Variants in SIK2 observed in about 807,000 individuals in gnomAD.
The protein encoded by SIK2 is salt inducible kinase 2, also known as serine/threonine-protein kinase SIK2.
Under a neutral mutation model 103.2 loss-of-function variants are expected in SIK2, and 29 were observed. The ratio of observed to expected loss-of-function variants is 0.28; its 90% CI spans 0.21 to 0.38. SIK2 has a LOEUF of 0.38. SIK2 is among the 10% of genes least tolerant of loss of function. The pLI, the probability that SIK2 is intolerant of heterozygous loss-of-function variation, is 1.00. For missense variants in SIK2, 879 were observed against 1,171.0 expected (o/e 0.75, Z 3.64); for synonymous variants, 412 against 446.1 (o/e 0.92, Z 0.96).
At position 111,727,807 on chromosome 11, in the gene SIK2, G is replaced by C. The variant is rs1281891479; in HGVS notation, c.*3678G>C. 2 of 152,344 alleles carry C rather than the reference G, an allele frequency of 1.3e-5. No individual in the cohort carries two copies. Among genetic ancestry groups the C allele is most frequent in the Non-Finnish European group, 2.9e-5 (2 of 68,098 alleles). The allele number at this position is 152,344 out of a possible 1,614,324, so 9.4% of individuals were successfully genotyped here. ...CCTGGAGTCACAGTTGGTCCCAGGC[G>C]TGTGGGCACTAAGCAGCCTCTGGAG... On this transcript the variant is annotated 3_prime_UTR_variant, in exon 15 of 15. Transcript: ENST00000304987.
chr11:111,655,338 A>T (rs1173607710), intron 3 of SIK2, among the ~76,000 whole-genome samples: 1 of 152,204 alleles, frequency 6.6e-6, no homozygotes, highest in Admixed American at 6.5e-5. Context: ...CAGGAGGCGG[A>T]GGTTGCAGTG....
chr11:111,722,558 T>C lies in SIK2; in HGVS notation c.2056-107T>C, dbSNP rs1943834028. ...TGTCAGTCCCTTCACCCCGTGTGGATTCTGTAGAATGCAGTTAGATTCATC... is the reference window on the plus strand; with the variant it reads ...TGTCAGTCCCTTCACCCCGTGTGGACTCTGTAGAATGCAGTTAGATTCATC... On this transcript the variant is annotated intron_variant, in intron 13 of 14. Transcript: ENST00000304987. This position sits in a 1 kb window ranked among gnomAD's most constrained non-coding sequence, Gnocchi z 4.4. 1 of 1,054,072 alleles carries C rather than the reference T, an allele frequency of 9.5e-7. No homozygotes were observed. Among genetic ancestry groups the C allele is most frequent in the Non-Finnish European group, 1.4e-6 (1 of 710,730 alleles). The allele number at this position is 1,054,072 out of a possible 1,614,324, so 65.3% of individuals were successfully genotyped here.
rs769532950 is a variant in SIK2 at position 111,723,970 on chromosome 11, G to T, written c.2622G>T (p.Gln874His). Reference protein sequence around the residue: ...PCQYPVDGAQQSDLTGPDCPR... With the variant: ...PCQYPVDGAQHSDLTGPDCPR... ...AGTATCCTGTGGATGGAGCCCAGCA[G>T]AGCGACCTAACGGGGCCAGACTGTC... The change falls in exon 15 of 15, where the codon CAG becomes CAT. Residue 874 changes from glutamine (Q) to histidine (H), a missense_variant. Physicochemically the swap from Gln to His is conservative, Grantham distance 24 (BLOSUM62 0). Around this residue, in one of 7 missense-constraint regions of SIK2, gnomAD observed 375 missense variants for 416.3 expected, o/e 0.90. Coordinates refer to ENST00000304987, the MANE Select transcript of SIK2 (RefSeq NM_015191.3). 2.5e-6 allele frequency: 4 copies of T among 1,614,034 alleles called. No individual in the cohort carries two copies. The highest frequency in any genetic ancestry group is 3.4e-6 in the Non-Finnish European group (4 of 1,180,020).
At chr11:111,719,629 A>G (rs183834893) in intron 9 of SIK2, 146 bp from the exon 10 acceptor site, 84 of 800,438 alleles carry the variant, frequency 1.0e-4, no homozygotes, top group Admixed American at 1.7e-4. Context: ...CTTCTAATCT[A>G]TGTGTTGTCA....
At chr11:111,711,914 A>T (rs1009921655) in intron 8 of SIK2, among the ~76,000 whole-genome samples, 1 of 152,268 alleles carries the variant, frequency 6.6e-6, no homozygotes. Flanking sequence ...TGAACGAGGA[A>T]CATTCTTGAT....
intron 7 of SIK2, among the ~76,000 whole-genome samples, chr11:111,704,293 C>G (rs928388272): frequency 6.6e-6 from 1 of 152,206 alleles, no homozygotes; most frequent in East Asian, 1.9e-4. Flanking sequence ...GTGCCCTGCA[C>G]AGCACCCATG....
At chr11:111,687,112 C>T (rs1366611284) in intron 3 of SIK2, among the ~76,000 whole-genome samples, 1 of 151,892 alleles carries the variant, frequency 6.6e-6, no homozygotes, top group Non-Finnish European at 1.5e-5. Context: ...AGAGAGAGTA[C>T]CTAGACATTA....
At position 111,602,948 on chromosome 11, in the gene SIK2, C is replaced by T. The variant is rs2135825023; in HGVS notation, c.135+250C>T. Among the ~76,000 whole-genome samples, 1 of 152,246 alleles carries T rather than the reference C, an allele frequency of 6.6e-6. No individual in the cohort carries two copies. The highest frequency in any genetic ancestry group is 1.9e-4 in the East Asian group (1 of 5,162). ...ACGCAACCAGCCGGGGCTTTGCTTT[C>T]CCCTACGCCACCCCCGGTGGCCACC... is the stretch of plus-strand genomic sequence containing the variant. On this transcript the variant is annotated intron_variant, in intron 1 of 14. Coordinates refer to ENST00000304987, the MANE Select transcript of SIK2 (RefSeq NM_015191.3). The surrounding 1 kb of genome is among the most constrained non-coding windows in gnomAD (Gnocchi z 4.5).
intron 3 of SIK2, among the ~76,000 whole-genome samples, chr11:111,679,378 A>G (rs560249781): frequency 1.2e-4 from 18 of 152,266 alleles, no homozygotes; most frequent in Non-Finnish European, 2.1e-4. Context: ...AGAATCTAAC[A>G]GATGCGAACA....
Position 111,727,769 on chromosome 11 carries a change from T to G in SIK2, c.*3640T>G, listed in dbSNP as rs1944022969. On this transcript the variant is annotated 3_prime_UTR_variant, in exon 15 of 15. Coordinates refer to ENST00000304987, the MANE Select transcript of SIK2 (RefSeq NM_015191.3). ...TGATCAGCCAGAAACTAAGGCAAGG[T>G]GACAAGCAGCAGCCTGGAGTCACAG... is the stretch of plus-strand genomic sequence containing the variant. 1 of 152,178 alleles carries G rather than the reference T, an allele frequency of 6.6e-6. No homozygotes were observed. Among genetic ancestry groups the G allele is most frequent in the Admixed American group, 6.5e-5 (1 of 15,274 alleles). 9.4% of individuals were successfully genotyped at this position (152,178 alleles called of 1,614,324 possible).
chr11:111,613,032 TA>T (rs1941750934), intron 1 of SIK2, among the ~76,000 whole-genome samples: 1 of 151,148 alleles, frequency 6.6e-6, no homozygotes, highest in Admixed American at 6.6e-5. Flanking sequence ...GTTATTTTGT[TA>T]AGAAATGTTA....
intron 3 of SIK2, among the ~76,000 whole-genome samples, chr11:111,645,137 G>A (rs187046722): frequency 1.4e-4 from 21 of 152,230 alleles, no homozygotes; most frequent in Admixed American, 1.3e-3. Flanking sequence ...CATGGATATG[G>A]ATCAACAGGT....
At chr11:111,718,220 C>A (rs533862424) in intron 9 of SIK2, among the ~76,000 whole-genome samples, 1 of 152,260 alleles carries the variant, frequency 6.6e-6, no homozygotes, top group African/African-American at 2.4e-5. Context: ...CATTTCTAAA[C>A]CATTCTTGGC....
At chr11:111,631,849 AG>A (rs71461586) in intron 3 of SIK2, among the ~76,000 whole-genome samples, 89,232 of 151,900 alleles carry the variant, frequency 0.59, 30,296 homozygotes, top group East Asian at 0.96. Flanking sequence ...CCATCTGACT[AG>A]GCTTACGCCA....
At position 111,621,688 on chromosome 11, in the gene SIK2, G is replaced by T. The variant is rs192109045; in HGVS notation, c.316+1286G>T. Among the ~76,000 whole-genome samples the T allele has an allele frequency of 6.6e-3, 1,001 of 152,184 alleles. 8 individuals are homozygous for T. The highest frequency in any genetic ancestry group is 0.055 in the Middle Eastern group (16 of 292). The stretch of plus-strand genomic sequence containing the variant: ...CAGCACTTTTAGGAGGTCAAGGTGG[G>T]TGGATCACCTGAGGTCAGGAGTTCA... On this transcript the variant is annotated intron_variant, in intron 3 of 14. Transcript: ENST00000304987.
At position 111,602,455 on chromosome 11, in the gene SIK2, C is replaced by A; in HGVS notation, c.-109C>A. On this transcript the variant is annotated 5_prime_UTR_variant, in exon 1 of 15. Coordinates refer to ENST00000304987, the MANE Select transcript of SIK2 (RefSeq NM_015191.3). This position sits in a 1 kb window ranked among gnomAD's most constrained non-coding sequence, Gnocchi z 4.5. Reference sequence around the variant, plus strand: ...GCCCTGGGGAGCGGGAGGGAAGGAGCGAAGGAGCGAAGGAGCAAGCGGAGC... The same window carrying A: ...GCCCTGGGGAGCGGGAGGGAAGGAGAGAAGGAGCGAAGGAGCAAGCGGAGC... The A allele has an allele frequency of 8.2e-7, 1 of 1,224,318 alleles. No individual in the cohort carries two copies. Among genetic ancestry groups the A allele is most frequent in the Non-Finnish European group, 1.1e-6 (1 of 941,180 alleles). The allele number at this position is 1,224,318 out of a possible 1,614,324, so 75.8% of individuals were successfully genotyped here. A position where few individuals can be genotyped will look rare whatever the true frequency, so the allele number is the denominator to read the frequency against.
chr11:111,605,450 G>C (rs1941637499), intron 1 of SIK2, among the ~76,000 whole-genome samples: 1 of 152,106 alleles, frequency 6.6e-6, no homozygotes, highest in Admixed American at 6.5e-5. Flanking sequence ...TTTCATGGCA[G>C]AACATACTAC....
At chr11:111,720,381 T>C (rs974249006) in intron 10 of SIK2, 97 bp from the exon 11 acceptor site, 21 of 1,228,078 alleles carry the variant, frequency 1.7e-5, no homozygotes, top group African/African-American at 3.0e-5. Context: ...ATTAAGGACA[T>C]GGTAGCTGTC....
rs1248433823 is a variant in SIK2 at position 111,728,683 on chromosome 11, C to T, written c.*4554C>T. 6.6e-6 allele frequency: 1 copy of T among 152,238 alleles called. No homozygotes were observed. The highest frequency in any genetic ancestry group is 1.5e-5 in the Non-Finnish European group (1 of 68,122). The allele number at this position is 152,238 out of a possible 1,614,324, so 9.4% of individuals were successfully genotyped here. ...GTGGCTCACGCCTGTAATCCCAACA[C>T]TTTGGGAGGCCAAGGCAGGCGGATC... is the stretch of plus-strand genomic sequence containing the variant. On this transcript the variant is annotated 3_prime_UTR_variant, in exon 15 of 15. Coordinates refer to ENST00000304987, the MANE Select transcript of SIK2 (RefSeq NM_015191.3).
Sources: gnomAD v4.1 joint callset for allele counts (sites outside exome capture counted in the v4.1 genomes callset) on GRCh38, gnomAD v4.1.1 for gene constraint, gnomAD v4.1.1 regional missense constraint, Gnocchi (gnomAD v3.1) non-coding constraint, MANE v1.5 for transcripts, NCBI Gene and HGNC (gene_info 2026-07-23, HGNC 2026-07-21) for gene names.